Variants in OTOGL observed in about 807,000 individuals in gnomAD.
OTOGL encodes otogelin like, also known as otogelin-like protein.
A neutral mutation model predicts 318.5 loss-of-function variants in OTOGL; 285 were observed. That is an observed-to-expected ratio of 0.89 (90% CI 0.81 to 0.99). The LOEUF is 0.99. Ranked by LOEUF, OTOGL falls within the 50% of genes least tolerant of loss-of-function variation. The probability of loss-of-function intolerance (pLI) is 0.00; values close to 1 mark genes in which losing one functional copy is unlikely to be tolerated. For synonymous variants in OTOGL, 987 were observed against 936.5 expected (o/e 1.05, Z -0.99); for missense variants, 2,899 against 2,845.6 (o/e 1.02, Z -0.43).
Position 80,257,841 on chromosome 12 carries a change from A to G in OTOGL, c.1728A>G (p.Gln576=). The change falls in exon 18 of 59, where the codon CAA becomes CAG. Residue 576 remains glutamine, a synonymous_variant. Transcript: ENST00000547103. ...GFNLNGIVEI[Q]TLSSLFILLK... Reference sequence around the variant, plus strand: ...TTCCTGCAGGTATTGTTGAAATTCAAACTCTGTCATCCTTATTTATACTTC... The same window carrying G: ...TTCCTGCAGGTATTGTTGAAATTCAGACTCTGTCATCCTTATTTATACTTC... The G allele has an allele frequency of 6.3e-7, 1 of 1,577,730 alleles. No homozygotes were observed. The highest frequency in any genetic ancestry group is 8.5e-7 in the Non-Finnish European group (1 of 1,170,560).
At chr12:80,258,362 T>TA (rs550762969) in intron 18 of OTOGL, among the ~76,000 whole-genome samples, 11 of 152,070 alleles carry the variant, frequency 7.2e-5, no homozygotes, top group South Asian at 2.1e-4. Flanking sequence ...CATAGCTGCC[T>TA]AAAAAAACCA....
chr12:80,254,085 A>G (rs891505348), intron 14 of OTOGL, among the ~76,000 whole-genome samples: 1 of 152,122 alleles, frequency 6.6e-6, no homozygotes, highest in Non-Finnish European at 1.5e-5. Flanking sequence ...TTGAAATGTA[A>G]TAGGATAACT....
chr12:80,354,792 G>T (rs1181686436), intron 46 of OTOGL, among the ~76,000 whole-genome samples: 1 of 152,118 alleles, frequency 6.6e-6, no homozygotes, highest in Non-Finnish European at 1.5e-5. Flanking sequence ...GTTCACTGGA[G>T]GCTGGGGATA....
intron 23 of OTOGL, among the ~76,000 whole-genome samples, chr12:80,270,958 C>A (rs1204113982): frequency 6.6e-6 from 1 of 151,870 alleles, no homozygotes; most frequent in South Asian, 2.1e-4. Context: ...ATTTGAATGG[C>A]CTGGTATATA....
chr12:80,200,927 G>A (rs74108554), intron 1 of OTOGL, among the ~76,000 whole-genome samples: 4,957 of 152,232 alleles, frequency 0.033, 213 homozygotes, highest in East Asian at 0.18. Context: ...TGAACACTTT[G>A]GCAATGGAGG....
intron 11 of OTOGL, among the ~76,000 whole-genome samples, chr12:80,245,039 T>A (rs1219861740): frequency 1.4e-5 from 2 of 145,080 alleles, no homozygotes; most frequent in African/African-American, 5.6e-5. Flanking sequence ...TTGTTTGAGT[T>A]CATTGTAGAT....
At chr12:80,301,887 C>T (rs770478656) in intron 27 of OTOGL, among the ~76,000 whole-genome samples, 13 of 152,244 alleles carry the variant, frequency 8.5e-5, no homozygotes, top group African/African-American at 1.2e-4. Context: ...ATGCCTTTTC[C>T]GTCTTAACTA....
intron 1 of OTOGL, among the ~76,000 whole-genome samples, chr12:80,146,470 T>C (rs1006059461): frequency 2.3e-4 from 35 of 151,980 alleles, no homozygotes; most frequent in African/African-American, 8.0e-4. Context: ...CAGTATTTTA[T>C]TGAGGATTTT....
chr12:80,128,083 G>A (rs1011307865), intron 1 of OTOGL, among the ~76,000 whole-genome samples: 4 of 152,318 alleles, frequency 2.6e-5, no homozygotes, highest in East Asian at 3.9e-4. Flanking sequence ...TTGCTGGTGA[G>A]GACCTGTGTT....
intron 26 of OTOGL, among the ~76,000 whole-genome samples, chr12:80,279,882 G>T (rs1445853412): frequency 1.3e-5 from 2 of 151,736 alleles, no homozygotes; most frequent in African/African-American, 2.4e-5. Flanking sequence ...TTCTACAGTG[G>T]CTAAACTAAT....
chr12:80,202,277 T>C (rs995354949), intron 1 of OTOGL, among the ~76,000 whole-genome samples: 35 of 150,834 alleles, frequency 2.3e-4, no homozygotes, highest in African/African-American at 8.0e-4. Flanking sequence ...TTAATTTTTT[T>C]TTTTTTTTTT....
chr12:80,109,480 A>T (rs1221937350), intron 1 of OTOGL, among the ~76,000 whole-genome samples: 1 of 152,136 alleles, frequency 6.6e-6, no homozygotes, highest in Non-Finnish European at 1.5e-5. Context: ...GTATCTATGC[A>T]TTGCCAGAAA....
intron 1 of OTOGL, among the ~76,000 whole-genome samples, chr12:80,188,763 G>A (rs1181843076): frequency 1.3e-5 from 2 of 152,016 alleles, no homozygotes; most frequent in East Asian, 3.9e-4. Context: ...AAGCCATCTG[G>A]TATATCCAAA....
Position 80,358,265 on chromosome 12 carries a change from A to G in OTOGL, c.6037A>G (p.Lys2013Glu). 6.2e-7 allele frequency: 1 copy of G among 1,611,576 alleles called. No individual in the cohort carries two copies. Among genetic ancestry groups the G allele is most frequent in the Non-Finnish European group, 8.5e-7 (1 of 1,178,462 alleles). Residue 2013 changes from lysine to glutamate, a missense_variant, in exon 50 of 59, where the codon AAA (lysine) becomes GAA (glutamate). This residue lies in a region of OTOGL where 2,607 missense variants were observed against 2,524.9 expected (regional missense o/e 1.03). Coordinates refer to ENST00000547103, the MANE Select transcript of OTOGL (RefSeq NM_001378609.3). ...SPFCVCESCT[K>E]PVPLCHDGEF... ...TACCTTAGTTTGTGAATCTTGCACC[A>G]AACCTGTTCCACTATGTCATGATGG...
intron 29 of OTOGL, among the ~76,000 whole-genome samples, chr12:80,309,657 CAAG>C (rs1411229720): frequency 2.0e-5 from 3 of 152,088 alleles, no homozygotes; most frequent in African/African-American, 7.2e-5. Context: ...TTGGAGGTTC[CAAG>C]AAGGTCTCCT....
rs964792139 is a variant in OTOGL, at chr12:80,356,506, C to T, written c.5897C>T (p.Pro1966Leu). Reference sequence around the variant, plus strand: ...GGCCACAGTCCTCTTTCTTGCTGTCCACAGTACAAATGTGGTAAGTAATCA... The same window carrying T: ...GGCCACAGTCCTCTTTCTTGCTGTCTACAGTACAAATGTGGTAAGTAATCA... ...IVGHSPLSCC[P>L]QYKCECDPLK... The change falls in exon 48 of 59, where the codon CCA (proline) becomes CTA (leucine). Residue 1966 changes from proline (P) to leucine (L), a missense_variant. Transcript: ENST00000547103. The T allele has an allele frequency of 2.5e-6, 4 of 1,606,014 alleles. No individual in the cohort carries two copies. In the African/African-American group the frequency reaches 5.4e-5, roughly 22 times the overall value.
intron 1 of OTOGL, among the ~76,000 whole-genome samples, chr12:80,130,760 TA>T (rs1871189073): frequency 6.6e-6 from 1 of 152,248 alleles, no homozygotes; most frequent in Non-Finnish European, 1.5e-5. Flanking sequence ...TGAATTCATT[TA>T]TATGAACATG....
At chr12:80,210,191 C>A (rs1877142436) in intron 2 of OTOGL, among the ~76,000 whole-genome samples, 1 of 151,908 alleles carries the variant, frequency 6.6e-6, no homozygotes, top group African/African-American at 2.4e-5. Flanking sequence ...ACTAGTTTTA[C>A]CCTGTTACAC....
chr12:80,331,597 C>G (rs182830718), intron 37 of OTOGL, among the ~76,000 whole-genome samples: 4 of 152,148 alleles, frequency 2.6e-5, no homozygotes, highest in African/African-American at 9.6e-5. Flanking sequence ...TCCTCGGCCT[C>G]CCAAAGTGCT....
Sources: allele counts gnomAD v4.1 joint callset (sites outside exome capture counted in the v4.1 genomes callset), GRCh38; gene constraint gnomAD v4.1.1; regional missense constraint gnomAD v4.1.1; transcripts MANE v1.5; gene names NCBI Gene and HGNC (gene_info 2026-07-23, HGNC 2026-07-21).